The following AUTS2 variants were observed in gnomAD, a reference collection of about 807,000 sequenced individuals.
The protein encoded by AUTS2 is activator of transcription and developmental regulator AUTS2, also known as autism susceptibility gene 2 protein.
In AUTS2, 17 loss-of-function variants were observed where a neutral mutation model predicts 112.4. The observed-to-expected ratio is 0.15, with a 90% confidence interval of 0.10 to 0.23. The LOEUF is 0.23. AUTS2 is among the 10% of genes least tolerant of loss of function. The pLI is 1.00. For synonymous variants in AUTS2, 751 were observed against 702.7 expected, an observed-to-expected ratio of 1.07 and a Z score of -1.09; for missense variants, 1,510 against 1,701.6, an observed-to-expected ratio of 0.89 and a Z score of 1.98.
chr7:70,245,423 G>T (rs1377867058), intron 4 of AUTS2, among the ~76,000 whole-genome samples: 1 of 151,898 alleles, frequency 6.6e-6, no homozygotes, highest in Non-Finnish European at 1.5e-5. Context: ...TTTGCCTTGC[G>T]AATACTTACA....
At chr7:69,645,820 G>A (rs1426170069) in intron 1 of AUTS2, among the ~76,000 whole-genome samples, 1 of 151,828 alleles carries the variant, frequency 6.6e-6, no homozygotes, top group East Asian at 1.9e-4. Context: ...GGGGATTTAG[G>A]GCCTATAAAA....
chr7:70,465,326 A>T (rs1797129543), intron 5 of AUTS2, among the ~76,000 whole-genome samples: 2 of 152,106 alleles, frequency 1.3e-5, no homozygotes, highest in South Asian at 4.1e-4. Flanking sequence ...ACTGCCTGAA[A>T]CCTCTCAGTA....
At chr7:70,213,689 C>T (rs1811037113) in intron 4 of AUTS2, among the ~76,000 whole-genome samples, 1 of 152,136 alleles carries the variant, frequency 6.6e-6, no homozygotes, top group African/African-American at 2.4e-5. Context: ...AACGATGGCT[C>T]TTGCTATGGG....
chr7:70,640,002 G>A (rs184813162), intron 5 of AUTS2, among the ~76,000 whole-genome samples: 1 of 152,220 alleles, frequency 6.6e-6, no homozygotes, highest in Admixed American at 6.5e-5. Flanking sequence ...AAACATTACG[G>A]TATGTCATTT....
intron 5 of AUTS2, among the ~76,000 whole-genome samples, chr7:70,578,565 G>A (rs12533226): frequency 0.16 from 25,004 of 152,190 alleles, 2,178 homozygotes; most frequent in Middle Eastern, 0.23. Context: ...GTAAACTAGA[G>A]CACCAAAACA....
chr7:70,182,556 A>G (rs1345344374), intron 4 of AUTS2, among the ~76,000 whole-genome samples: 5 of 152,210 alleles, frequency 3.3e-5, no homozygotes, highest in Non-Finnish European at 5.9e-5. Context: ...TGAATGGATC[A>G]TTTGGTTCTC....
At position 70,262,921 on chromosome 7, in the gene AUTS2, C is replaced by T. The variant is rs138496430; in HGVS notation, c.660+128350C>T. 5.9e-3 allele frequency among the ~76,000 whole-genome samples: 893 copies of T among 152,200 alleles called. 5 individuals are homozygous for T. Among genetic ancestry groups the T allele is most frequent in the African/African-American group, 0.02 (834 of 41,536 alleles). ...CTGTGATATTTATGGACATGAAATA[C>T]AGTCATAGGCCATTTATCAGATTTA... On this transcript the variant is annotated intron_variant, in intron 4 of 18. Transcript: ENST00000342771.
At chr7:69,899,646 A>G in intron 2 of AUTS2, 148 bp downstream of exon 2, 1 of 712,488 alleles carries the variant, frequency 1.4e-6, no homozygotes. Flanking sequence ...GCGTGCCTTT[A>G]AAAGAATCTA....
At chr7:70,614,046 A>G (rs890783735) in intron 5 of AUTS2, among the ~76,000 whole-genome samples, 2 of 152,216 alleles carry the variant, frequency 1.3e-5, no homozygotes, top group Non-Finnish European at 2.9e-5. Flanking sequence ...CTGTGAAGCC[A>G]GGGAGGGAGC....
At chr7:70,391,205 T>C (rs548336843) in intron 4 of AUTS2, among the ~76,000 whole-genome samples, 1 of 152,294 alleles carries the variant, frequency 6.6e-6, no homozygotes, top group Admixed American at 6.5e-5. Context: ...CAAGCACTGA[T>C]TTAGAAAGAG....
At chr7:69,729,678 C>T (rs1330176424) in intron 1 of AUTS2, among the ~76,000 whole-genome samples, 2 of 151,794 alleles carry the variant, frequency 1.3e-5, no homozygotes, top group Non-Finnish European at 2.9e-5. Context: ...GCATAGAATC[C>T]CTCTTAATTT....
intron 1 of AUTS2, among the ~76,000 whole-genome samples, chr7:69,654,386 A>C (rs1382440292): frequency 6.6e-6 from 1 of 152,206 alleles, no homozygotes; most frequent in Non-Finnish European, 1.5e-5. Context: ...CCTGCCCCAG[A>C]CCTTCACAGG....
intron 5 of AUTS2, among the ~76,000 whole-genome samples, chr7:70,493,691 T>C (rs1798339149): frequency 6.6e-6 from 1 of 152,184 alleles, no homozygotes; most frequent in Admixed American, 6.5e-5. Flanking sequence ...TGAATTCTAA[T>C]ATAGGAATTA....
chr7:70,490,538 TG>T (rs997185766), intron 5 of AUTS2, among the ~76,000 whole-genome samples: 5 of 152,078 alleles, frequency 3.3e-5, no homozygotes, highest in African/African-American at 1.2e-4. Flanking sequence ...ACAGCCCAGT[TG>T]ACTGCACCCT....
intron 6 of AUTS2, among the ~76,000 whole-genome samples, chr7:70,713,457 T>G (rs1202240152): frequency 6.6e-6 from 1 of 152,234 alleles, no homozygotes; most frequent in Non-Finnish European, 1.5e-5. Context: ...AATGTAAAAC[T>G]CTTAAGAAGT....
chr7:70,002,575 G>T (rs1243871532), intron 2 of AUTS2, among the ~76,000 whole-genome samples: 2 of 152,076 alleles, frequency 1.3e-5, no homozygotes, highest in African/African-American at 4.8e-5. Context: ...GATTTGCTAG[G>T]ACTAAAAGTG....
At chr7:69,819,372 A>G (rs1455162523) in intron 1 of AUTS2, among the ~76,000 whole-genome samples, 1 of 152,250 alleles carries the variant, frequency 6.6e-6, no homozygotes, top group Non-Finnish European at 1.5e-5. Context: ...ATACGAAGGT[A>G]TGACTAAGTG....
intron 4 of AUTS2, among the ~76,000 whole-genome samples, chr7:70,248,034 A>G (rs1255869540): frequency 1.3e-5 from 2 of 152,130 alleles, no homozygotes; most frequent in Admixed American, 6.5e-5. Flanking sequence ...TGATTTTCCA[A>G]TGTTAAATCA....
chr7:69,813,404 G>A (rs1332188636), intron 1 of AUTS2, among the ~76,000 whole-genome samples: 2 of 152,176 alleles, frequency 1.3e-5, no homozygotes, highest in African/African-American at 4.8e-5. Context: ...GAAAAAGAGA[G>A]TGTGGTTTAG....
Sources: allele counts gnomAD v4.1 joint callset (sites outside exome capture counted in the v4.1 genomes callset), GRCh38; gene constraint gnomAD v4.1.1; transcripts MANE v1.5; gene names NCBI Gene and HGNC (gene_info 2026-07-23, HGNC 2026-07-21).